The following TSNAX variants were observed in gnomAD, a reference collection of about 807,000 sequenced individuals.
TSNAX encodes translin associated factor X.
Under a neutral mutation model 33.0 loss-of-function variants are expected in TSNAX, and 12 were observed. That is an observed-to-expected ratio of 0.36 (90% CI 0.23 to 0.59). TSNAX has a LOEUF of 0.59. Ranked by LOEUF, TSNAX falls within the 20% of genes least tolerant of loss-of-function variation. The pLI, the probability that TSNAX is intolerant of heterozygous loss-of-function variation, is 0.74. For synonymous variants in TSNAX, 110 were observed against 117.2 expected, an observed-to-expected ratio of 0.94 and a Z score of 0.40; for missense variants, 267 against 341.3, an observed-to-expected ratio of 0.78 and a Z score of 1.72.
chr1:231,557,425 A>G (rs1478761742), intron 4 of TSNAX, among the ~76,000 whole-genome samples: 1 of 152,206 alleles, frequency 6.6e-6, no homozygotes, highest in African/African-American at 2.4e-5. Flanking sequence ...AAGAATGTCC[A>G]TTAGTCTTAT....
rs867270825 is a variant in TSNAX, at chr1:231,559,989, T to A, written c.368-1139T>A. 1.4e-3 allele frequency among the ~76,000 whole-genome samples: 201 copies of A among 148,604 alleles called. 1 individual carries two copies. The highest frequency in any genetic ancestry group is 4.4e-3 in the African/African-American group (176 of 39,802). ...ATTATTATTATTATTATTATTATTT[T>A]TTTTTTTTTGCGACGAGTCTCGCTC... is the stretch of plus-strand genomic sequence containing the variant. On this transcript the variant is annotated intron_variant, in intron 4 of 5. Coordinates refer to ENST00000366639, the MANE Select transcript of TSNAX (RefSeq NM_005999.3).
Position 231,565,268 on chromosome 1 carries a change from A to G in TSNAX, c.*363A>G, listed in dbSNP as rs1419137494. On this transcript the variant is annotated 3_prime_UTR_variant, in exon 6 of 6. Coordinates refer to ENST00000366639, the MANE Select transcript of TSNAX (RefSeq NM_005999.3). Reference sequence around the variant, plus strand: ...TAATTTTTAGTGGAAGCAATTTGTAATTTAAGTTGGTAGTTATATTATATA... The same window carrying G: ...TAATTTTTAGTGGAAGCAATTTGTAGTTTAAGTTGGTAGTTATATTATATA... 1 of 166,042 alleles carries G rather than the reference A, an allele frequency of 6.0e-6. No homozygotes were observed. The highest frequency in any genetic ancestry group is 2.4e-5 in the African/African-American group (1 of 41,680). 10.3% of individuals were successfully genotyped at this position (166,042 alleles called of 1,614,324 possible). A position where few individuals can be genotyped will look rare whatever the true frequency, so the allele number is the denominator to read the frequency against.
intron 4 of TSNAX, among the ~76,000 whole-genome samples, chr1:231,543,124 G>T (rs1269779502): frequency 6.6e-6 from 1 of 151,530 alleles, no homozygotes; most frequent in Middle Eastern, 3.2e-3. Flanking sequence ...GTTGCAGTGA[G>T]CCGAGATCGC....
intron 4 of TSNAX, among the ~76,000 whole-genome samples, chr1:231,558,719 G>A (rs1397792641): frequency 6.6e-6 from 1 of 151,978 alleles, no homozygotes; most frequent in Non-Finnish European, 1.5e-5. Flanking sequence ...GGGGGGAACT[G>A]GGCGGTGTCA....
rs1202708408 is a variant in TSNAX, at chr1:231,564,970, T to C, written c.*65T>C. 6 of 1,520,850 alleles carry C rather than the reference T, an allele frequency of 3.9e-6. No homozygotes were observed. The highest frequency in any genetic ancestry group is 5.3e-6 in the Non-Finnish European group (6 of 1,132,780). The allele number at this position is 1,520,850 out of a possible 1,614,324, so 94.2% of individuals were successfully genotyped here. On this transcript the variant is annotated 3_prime_UTR_variant, in exon 6 of 6. Coordinates refer to ENST00000366639, the MANE Select transcript of TSNAX (RefSeq NM_005999.3). ...CTAAGAGACCAATTTGTAAGACTTA[T>C]TTAGTATTTCATTTAACTTTATTGT...
chr1:231,533,147 A>C (rs1340048896), intron 2 of TSNAX, among the ~76,000 whole-genome samples: 1 of 150,298 alleles, frequency 6.7e-6, no homozygotes, highest in Non-Finnish European at 1.5e-5. Context: ...GCTCACTGCA[A>C]CCTCCGCCTC....
At position 231,561,353 on chromosome 1, in the gene TSNAX, A is replaced by G. The variant is rs991156189; in HGVS notation, c.495+98A>G. The G allele has an allele frequency of 3.3e-5, 33 of 1,009,716 alleles. No homozygotes were observed. In the African/African-American group the frequency reaches 4.6e-4, roughly 14 times the overall value. The allele number at this position is 1,009,716 out of a possible 1,614,324, so 62.5% of individuals were successfully genotyped here. A position where few individuals can be genotyped will look rare whatever the true frequency, so the allele number is the denominator to read the frequency against. On this transcript the variant is annotated intron_variant, in intron 5 of 5. Coordinates refer to ENST00000366639, the MANE Select transcript of TSNAX (RefSeq NM_005999.3). ...TGGCTTATGCTAAGATTGAGATGGG[A>G]ATGTTCTTTCTAAAGTATGGTTTTG...
chr1:231,536,266 T>A (rs1346562285), intron 2 of TSNAX: 1 of 152,210 alleles, frequency 6.6e-6, no homozygotes, highest in African/African-American at 2.4e-5. Context: ...TACTAATCTT[T>A]CTGAAAATAA....
At chr1:231,555,810 C>G (rs1660654556) in intron 4 of TSNAX, among the ~76,000 whole-genome samples, 1 of 152,098 alleles carries the variant, frequency 6.6e-6, no homozygotes, top group Non-Finnish European at 1.5e-5. Context: ...TTCCTAGGTC[C>G]TCTGTGATAA....
At chr1:231,564,480 C>T in intron 5 of TSNAX, 48 bp from the exon 6 acceptor site, 1 of 1,556,792 alleles carries the variant, frequency 6.4e-7, no homozygotes, top group Non-Finnish European at 8.7e-7. Context: ...AGTGTTCTTT[C>T]TTGTGTGTGT....
chr1:231,550,763 G>A (rs201885800), intron 4 of TSNAX, among the ~76,000 whole-genome samples: 39 of 152,242 alleles, frequency 2.6e-4, no homozygotes, highest in Non-Finnish European at 4.7e-4. Flanking sequence ...TAAAGGAATG[G>A]TTGGGGGAAT....
At chr1:231,533,462 G>C (rs1263092194) in intron 2 of TSNAX, among the ~76,000 whole-genome samples, 2 of 152,168 alleles carry the variant, frequency 1.3e-5, no homozygotes, top group Admixed American at 1.3e-4. Context: ...AGTATAGTTT[G>C]TTCAACTCAA....
chr1:231,551,257 A>G (rs541551684), intron 4 of TSNAX, among the ~76,000 whole-genome samples: 18 of 152,312 alleles, frequency 1.2e-4, no homozygotes, highest in African/African-American at 4.3e-4. Flanking sequence ...GAAGATCCCC[A>G]GATTGGTCTT....
Position 231,533,179 on chromosome 1 carries a change from G to C in TSNAX, c.121+3820G>C, listed in dbSNP as rs550982295. Among the ~76,000 whole-genome samples, 3 of 144,620 alleles carry C rather than the reference G, an allele frequency of 2.1e-5. No homozygotes were observed. In the South Asian group the frequency reaches 6.3e-4, roughly 30 times the overall value. The allele number at this position is 144,620 out of a possible 152,430, so 94.9% of individuals were successfully genotyped here. On this transcript the variant is annotated intron_variant, in intron 2 of 5. Coordinates refer to ENST00000366639, the MANE Select transcript of TSNAX (RefSeq NM_005999.3). ...CCTCCCAGGTTCAAGCAATTCTCCTGCCTCCGCCTCCCAGGTTCAAGCAAT... is the reference window on the plus strand; with the variant it reads ...CCTCCCAGGTTCAAGCAATTCTCCTCCCTCCGCCTCCCAGGTTCAAGCAAT...
chr1:231,536,754 T>G (rs1326144899), intron 2 of TSNAX: 1 of 152,334 alleles, frequency 6.6e-6, no homozygotes, highest in African/African-American at 2.4e-5. Flanking sequence ...TGAGAATTAG[T>G]GTCATTACCA....
chr1:231,528,971 CA>C (rs1658459961), intron 1 of TSNAX, 145 bp downstream of exon 1: 2 of 1,117,166 alleles, frequency 1.8e-6, no homozygotes, highest in East Asian at 5.0e-5. Flanking sequence ...TCTCCCCGGC[CA>C]GATCGGCCCT....
Position 231,564,518 on chromosome 1 carries a change from T to A in TSNAX, c.496-10T>A. ...GTGTGTGTTTTTGTTTTGTTTTGTT[T>A]TTTTACCAGCCCTCCTCTGATGCAC... is the stretch of plus-strand genomic sequence containing the variant. On this transcript the variant is annotated splice_polypyrimidine_tract_variant and intron_variant, in intron 5 of 5. Transcript: ENST00000366639. 6.2e-7 allele frequency: 1 copy of A among 1,600,292 alleles called. No homozygotes were observed. Among genetic ancestry groups the A allele is most frequent in the Non-Finnish European group, 8.5e-7 (1 of 1,171,134 alleles).
rs141156848 is a variant in TSNAX at position 231,557,401 on chromosome 1, G to A, written c.368-3727G>A. On this transcript the variant is annotated intron_variant, in intron 4 of 5. Transcript: ENST00000366639. Reference sequence around the variant, plus strand: ...GTGGCACAAAATGCTGAATGCTGCCGAGATGAAGACGGAAAGAATGTCCAT... The same window carrying A: ...GTGGCACAAAATGCTGAATGCTGCCAAGATGAAGACGGAAAGAATGTCCAT... 1.6e-3 allele frequency among the ~76,000 whole-genome samples: 246 copies of A among 152,258 alleles called. 2 individuals carry two copies. The highest frequency in any genetic ancestry group is 3.5e-3 in the African/African-American group (144 of 41,526).
intron 4 of TSNAX, among the ~76,000 whole-genome samples, chr1:231,555,406 G>A (rs116453813): frequency 0.018 from 2,700 of 152,210 alleles, 35 homozygotes; most frequent in Non-Finnish European, 0.028. Context: ...CTGAGGGGAG[G>A]AGGGATGGGG....
Sources: gnomAD v4.1 joint callset for allele counts (sites outside exome capture counted in the v4.1 genomes callset) on GRCh38, gnomAD v4.1.1 for gene constraint, MANE v1.5 for transcripts, NCBI Gene and HGNC (gene_info 2026-07-23, HGNC 2026-07-21) for gene names.